The following SLC9A6 variants were observed in gnomAD, a reference collection of about 807,000 sequenced individuals.
SLC9A6 encodes the protein sodium/hydrogen exchanger 6.
Under a neutral mutation model 45.3 loss-of-function variants are expected in SLC9A6, and 6 were observed. The ratio of observed to expected loss-of-function variants is 0.13; its 90% CI spans 0.07 to 0.26. The LOEUF (loss-of-function observed/expected upper bound fraction) is 0.26. SLC9A6 is among the 10% of genes least tolerant of loss of function. The pLI is 1.00. For synonymous variants in SLC9A6, 191 were observed against 187.7 expected (o/e 1.02, Z -0.14); for missense variants, 278 against 503.7 (o/e 0.55, Z 4.29).
At chrX:136,033,378 T>C (rs782575747) in intron 15 of SLC9A6, 36 bp from the exon 16 acceptor site, 1 of 881,239 alleles carries the variant, frequency 1.1e-6, no homozygotes, top group East Asian at 3.4e-5. Flanking sequence ...TTCATATCTT[T>C]GTATAGATAT....
chrX:136,020,715 A>G (rs1420492393), intron 11 of SLC9A6, among the ~76,000 whole-genome samples: 1 of 112,109 alleles, frequency 8.9e-6, no homozygotes, highest in Non-Finnish European at 1.9e-5. Flanking sequence ...TATTTATTTT[A>G]TACTTTGAGT....
Position 136,012,504 on chromosome X carries a change from A to G in SLC9A6, c.886-445A>G, listed in dbSNP as rs782030364. Among the ~76,000 whole-genome samples the G allele has an allele frequency of 2.7e-5, 3 of 113,088 alleles. No individual in the cohort carries two copies. In the South Asian group the frequency reaches 1.1e-3, roughly 40 times the overall value. On this transcript the variant is annotated intron_variant, in intron 8 of 17. Transcript: ENST00000630721. Reference sequence around the variant, plus strand: ...CCTCAATTTCTTCATCATGGAATGAATGCTCTATATCATAGAAGTGGTAGA... The same window carrying G: ...CCTCAATTTCTTCATCATGGAATGAGTGCTCTATATCATAGAAGTGGTAGA...
At chrX:136,005,122 C>G (rs1194935361) in intron 7 of SLC9A6, among the ~76,000 whole-genome samples, 1 of 112,134 alleles carries the variant, frequency 8.9e-6, no homozygotes, top group Non-Finnish European at 1.9e-5. Context: ...AATCTCTGTT[C>G]TGGTCTTATC....
rs1186928497 is a variant in SLC9A6, at chrX:136,039,899, TA to T, written c.1662-173del. On this transcript the variant is annotated intron_variant, in intron 16 of 17. Transcript: ENST00000630721. ...TTCCATATCTGTGAAGTGGAGATGA[TA>T]AAATACCCCTTTGCTGTTTCACTGC... 6.9e-4 allele frequency: 331 copies of T among 479,266 alleles called. 1 individual carries two copies. Among genetic ancestry groups the T allele is most frequent in the Non-Finnish European group, 7.9e-5 (21 of 266,159 alleles). 39.5% of individuals were successfully genotyped at this position (479,266 alleles called of 1,213,427 possible).
intron 11 of SLC9A6, among the ~76,000 whole-genome samples, chrX:136,021,100 G>A (rs1281705236): frequency 1.8e-5 from 2 of 111,013 alleles, no homozygotes; most frequent in Admixed American, 9.6e-5. Context: ...TCAGCTGACA[G>A]AGCAAGGAGT....
intron 7 of SLC9A6, 116 bp from the exon 8 acceptor site, chrX:136,010,326 A>G: frequency 1.2e-6 from 1 of 855,491 alleles, no homozygotes; most frequent in Non-Finnish European, 1.7e-6. Flanking sequence ...TGGCAATTCC[A>G]ATCGAAAGCT....
At chrX:136,012,674 A>G (rs2070946341) in intron 8 of SLC9A6, among the ~76,000 whole-genome samples, 1 of 112,685 alleles carries the variant, frequency 8.9e-6, no homozygotes, top group African/African-American at 3.2e-5. Flanking sequence ...GTCTCTATCT[A>G]TCCTTTACTG....
intron 16 of SLC9A6, among the ~76,000 whole-genome samples, chrX:136,037,788 T>G (rs2071436659): frequency 8.9e-6 from 1 of 111,847 alleles, no homozygotes. Context: ...GCCAGGATGG[T>G]CTCGATCTCC....
chrX:136,024,597 T>A, intron 13 of SLC9A6, 114 bp downstream of exon 13: 1 of 759,457 alleles, frequency 1.3e-6, no homozygotes. Context: ...TTTTTCCTTT[T>A]AAAAAGTATG....
chrX:135,988,429 TTTTC>T (rs370253241), intron 2 of SLC9A6, among the ~76,000 whole-genome samples: 138 of 109,854 alleles, frequency 1.3e-3, no homozygotes, highest in African/African-American at 4.0e-3. Flanking sequence ...TCTCTCTTTC[TTTTC>T]TTTCTTTCTT....
intron 7 of SLC9A6, chrX:136,010,241 A>T: frequency 2.1e-5 from 5 of 237,143 alleles, no homozygotes; most frequent in Non-Finnish European, 3.9e-5. Context: ...CCCCGAAATT[A>T]ACATTTAAGG....
chrX:135,974,980 C>T (rs2089253633), intron 1 of SLC9A6: 2 of 234,534 alleles, frequency 8.5e-6, no homozygotes, highest in Admixed American at 1.1e-4. Flanking sequence ...TCTTCATCTC[C>T]TGAAATGTAG....
At chrX:136,032,172 A>G (rs1167939618) in intron 15 of SLC9A6, among the ~76,000 whole-genome samples, 1 of 112,099 alleles carries the variant, frequency 8.9e-6, no homozygotes, top group Non-Finnish European at 1.9e-5. Flanking sequence ...GATTCAAGCA[A>G]TTCTCTTGCC....
chrX:136,008,977 A>G (rs1441445943), intron 7 of SLC9A6, among the ~76,000 whole-genome samples: 4 of 112,174 alleles, frequency 3.6e-5, no homozygotes, highest in African/African-American at 1.3e-4. Flanking sequence ...TACATGAACT[A>G]ATCCAGGGAA....
intron 7 of SLC9A6, chrX:136,010,231 C>G: frequency 2.9e-6 from 1 of 341,243 alleles, no homozygotes. Flanking sequence ...TCTACCCCCC[C>G]CCCGAAATTA....
upstream of SLC9A6, chrX:135,985,342 G>A: frequency 3.0e-6 from 1 of 328,128 alleles, no homozygotes; most frequent in East Asian, 5.1e-5. Flanking sequence ...AAAGGAACCT[G>A]GCAGAGCGAG....
rs965139919 is a variant in SLC9A6 at position 135,990,988 on chromosome X, G to C, written c.170-3798G>C. Among the ~76,000 whole-genome samples the C allele has an allele frequency of 5.4e-5, 6 of 111,210 alleles. No individual in the cohort carries two copies. The East Asian group carries it at 1.7e-3, about 31-fold the overall frequency. ...CTGTCTCATACAGGCAGAACGACTG[G>C]ATCTACAGGCTTTTCTCTTCTAGGT... On this transcript the variant is annotated intron_variant, in intron 2 of 17. Transcript: ENST00000630721.
chrX:136,040,318 A>G, intron 17 of SLC9A6, 137 bp downstream of exon 17: 1 of 493,946 alleles, frequency 2.0e-6, no homozygotes, highest in Non-Finnish European at 3.5e-6. Flanking sequence ...GAATTTAAGC[A>G]TATTTTGCTC....
At chrX:136,035,603 G>C (rs920569456) in intron 16 of SLC9A6, among the ~76,000 whole-genome samples, 3 of 111,535 alleles carry the variant, frequency 2.7e-5, no homozygotes, top group Non-Finnish European at 5.6e-5. Context: ...TAAATATTTG[G>C]GTTGGTTCTA....
Sources: gnomAD v4.1 joint callset for allele counts (sites outside exome capture counted in the v4.1 genomes callset) on GRCh38, gnomAD v4.1.1 for gene constraint, MANE v1.5 for transcripts, NCBI Gene and HGNC (gene_info 2026-07-23, HGNC 2026-07-21) for gene names.